Variants in ZBTB18 observed in about 807,000 individuals in gnomAD.
ZBTB18 encodes the protein zinc finger and BTB domain containing 18, also known as zinc finger and BTB domain-containing protein 18.
Under a neutral mutation model 37.7 loss-of-function variants are expected in ZBTB18, and 2 were observed. The ratio of observed to expected loss-of-function variants is 0.05; its 90% CI spans 0.02 to 0.17. The LOEUF is 0.17. Among genes scored for constraint, ZBTB18 ranks in the 10% least tolerant of loss-of-function variants. The probability of loss-of-function intolerance (pLI) is 1.00; values close to 1 mark genes in which losing one functional copy is unlikely to be tolerated. For missense variants in ZBTB18, 408 were observed against 686.3 expected (o/e 0.59, Z 4.53); for synonymous variants, 304 against 276.5 (o/e 1.10, Z -0.99).
rs149844474 is a variant in ZBTB18, at chr1:244,054,869, C to A, written c.1095C>A (p.Leu365=). The A allele has an allele frequency of 5.1e-5, 83 of 1,614,124 alleles. No individual in the cohort carries two copies. The African/African-American group carries it at 1.0e-3, about 20-fold the overall frequency. Residue 365 remains leucine, a synonymous_variant, in exon 2 of 2, where the codon CTC becomes CTA. Transcript: ENST00000358704. The surrounding 1 kb of genome is among the most constrained non-coding windows in gnomAD (Gnocchi z 9.0). ...QVEGGMESSL[L]PYVSNILSPA... ...AGGGAGGCATGGAGAGCAGTCTGCT[C>A]CCCTACGTCTCCAACATCCTGAGCC...
In ZBTB18 at chr1:244,056,010, A is replaced by T. The variant is rs1323615523; in HGVS notation, c.*640A>T. The T allele has an allele frequency of 6.0e-6, 1 of 167,076 alleles. No individual in the cohort carries two copies. Among genetic ancestry groups the T allele is most frequent in the Non-Finnish European group, 1.5e-5 (1 of 68,118 alleles). 10.3% of individuals were successfully genotyped at this position (167,076 alleles called of 1,614,324 possible). ...AGGTTTGCTTGGGATGAAAAAGGAT[A>T]TTGCAGCTTCAGCAGTGTTGAACTG... is the stretch of plus-strand genomic sequence containing the variant. On this transcript the variant is annotated 3_prime_UTR_variant, in exon 2 of 2. Transcript: ENST00000358704.
intron 1 of ZBTB18, among the ~76,000 whole-genome samples, chr1:244,052,966 A>G (rs1247303878): frequency 1.3e-5 from 2 of 152,250 alleles, no homozygotes; most frequent in African/African-American, 2.4e-5. Flanking sequence ...GGAGTTCAGT[A>G]AAGCCCCTCT....
chr1:244,049,233 C>G (rs1448471883), upstream of ZBTB18, among the ~76,000 whole-genome samples: 2 of 98,622 alleles, frequency 2.0e-5, no homozygotes, highest in East Asian at 6.5e-4. Flanking sequence ...GCTGCAGCTG[C>G]GGGGTCGGGC....
upstream of ZBTB18, among the ~76,000 whole-genome samples, chr1:244,048,518 G>A (rs1303837043): frequency 1.3e-5 from 2 of 150,812 alleles, no homozygotes; most frequent in African/African-American, 2.4e-5. Flanking sequence ...AGGGAGGGAG[G>A]CAGGGGAAGG....
chr1:244,054,008 T>C lies in ZBTB18; in HGVS notation c.234T>C (p.Ile78=), dbSNP rs1458641699. 6.2e-7 allele frequency: 1 copy of C among 1,614,066 alleles called. No individual in the cohort carries two copies. Among genetic ancestry groups the C allele is most frequent in the South Asian group, 1.1e-5 (1 of 91,084 alleles). ...KRDIVHLNSD[I]VTAPAFALLL... ...ACATTGTTCATCTGAACAGCGACAT[T>C]GTTACAGCCCCCGCTTTCGCTCTCC... Residue 78 remains isoleucine (I), a synonymous_variant, in exon 2 of 2, where the codon ATT becomes ATC. Coordinates refer to ENST00000358704, the MANE Select transcript of ZBTB18 (RefSeq NM_205768.3). The surrounding 1 kb of genome is among the most constrained non-coding windows in gnomAD (Gnocchi z 9.0).
rs1316478498 is a variant in ZBTB18, at chr1:244,054,416, C to A, written c.642C>A (p.Ala214=). ...PQAGGEAEPH[A]TAAGKTVASP... ...CTGGCGGAGAGGCAGAGCCACACGCCACAGCAGCTGGAAAAACAGTAGCCA... is the reference window on the plus strand; with the variant it reads ...CTGGCGGAGAGGCAGAGCCACACGCAACAGCAGCTGGAAAAACAGTAGCCA... The change falls in exon 2 of 2, where the codon GCC becomes GCA. Residue 214 remains alanine (A), a synonymous_variant. Coordinates refer to ENST00000358704, the MANE Select transcript of ZBTB18 (RefSeq NM_205768.3). This position sits in a 1 kb window ranked among gnomAD's most constrained non-coding sequence, Gnocchi z 9.0. 1 of 1,614,172 alleles carries A rather than the reference C, an allele frequency of 6.2e-7. No homozygotes were observed. The highest frequency in any genetic ancestry group is 8.5e-7 in the Non-Finnish European group (1 of 1,180,044).
At chr1:244,051,471 G>C in intron 1 of ZBTB18, 27 bp downstream of exon 1, 1 of 1,612,912 alleles carries the variant, frequency 6.2e-7, no homozygotes, top group South Asian at 1.1e-5. Flanking sequence ...ATTAGATTGA[G>C]CATATTTCTG....
chr1:244,054,308 C>A lies in ZBTB18; in HGVS notation c.534C>A (p.Ile178=). ...AAGGAGAAGATGAAAAATTGAACAT[C>A]CTGCCCAGCAAAAGGGACTTGGCGG... ...EDEGEDEKLN[I]LPSKRDLAAE... Residue 178 remains isoleucine (I), a synonymous_variant, in exon 2 of 2, where the codon ATC becomes ATA. Transcript: ENST00000358704. The surrounding 1 kb of genome is among the most constrained non-coding windows in gnomAD (Gnocchi z 9.0). 1 of 1,614,192 alleles carries A rather than the reference C, an allele frequency of 6.2e-7. No homozygotes were observed. The highest frequency in any genetic ancestry group is 8.5e-7 in the Non-Finnish European group (1 of 1,180,050).
rs760400046 is a variant in ZBTB18 at position 244,054,820 on chromosome 1, C to T, written c.1046C>T (p.Pro349Leu). 3.1e-6 allele frequency: 5 copies of T among 1,614,004 alleles called. No individual in the cohort carries two copies. The Admixed American group carries it at 6.7e-5, about 22-fold the overall frequency. ...GCCAGTGATGATGAGATGATGACCC[C>T]AGAGAGCGAGCGTGTCCAGGTGGAG... ...DKASDDEMMT[P>L]ESERVQVEGG... Residue 349 changes from proline to leucine, a missense_variant, in exon 2 of 2, where the codon CCA (proline) becomes CTA (leucine). By Grantham distance (98) the Pro-to-Leu change is moderately conservative. Coordinates refer to ENST00000358704, the MANE Select transcript of ZBTB18 (RefSeq NM_205768.3). The surrounding 1 kb of genome is among the most constrained non-coding windows in gnomAD (Gnocchi z 9.0).
chr1:244,051,250 C>A, upstream of ZBTB18: 1 of 573,568 alleles, frequency 1.7e-6, no homozygotes, highest in Non-Finnish European at 3.0e-6. Context: ...TGCCATCCCT[C>A]AGCCTTTTAT....
In ZBTB18 at chr1:244,055,927, G is replaced by A. The variant is rs1286591820; in HGVS notation, c.*557G>A. ...TGTGGCAACTTCTGGTTTTCTGACAGTTCCCAGTGAGAGAAATGCTGAAAG... is the reference window on the plus strand; with the variant it reads ...TGTGGCAACTTCTGGTTTTCTGACAATTCCCAGTGAGAGAAATGCTGAAAG... On this transcript the variant is annotated 3_prime_UTR_variant, in exon 2 of 2. Transcript: ENST00000358704. The surrounding 1 kb of genome is among the most constrained non-coding windows in gnomAD (Gnocchi z 7.0). The A allele has an allele frequency of 6.0e-6, 1 of 167,044 alleles. No homozygotes were observed. The highest frequency in any genetic ancestry group is 1.5e-5 in the Non-Finnish European group (1 of 68,118). The allele number at this position is 167,044 out of a possible 1,614,324, so 10.3% of individuals were successfully genotyped here.
At chr1:244,048,996 G>C (rs1698292672), upstream of ZBTB18, 1 of 148,864 alleles carries the variant, frequency 6.7e-6, no homozygotes, top group African/African-American at 2.5e-5. Context: ...CGCTCCGTGT[G>C]AGTCCCGGCG....
At chr1:244,049,747 T>C (rs542424960), upstream of ZBTB18, among the ~76,000 whole-genome samples, 15 of 152,260 alleles carry the variant, frequency 9.9e-5, no homozygotes, top group South Asian at 2.1e-3. Context: ...TTTGCATTGC[T>C]TCCCCACTCG....
At chr1:244,048,684 C>G (rs959011039), upstream of ZBTB18, among the ~76,000 whole-genome samples, 2 of 144,648 alleles carry the variant, frequency 1.4e-5, no homozygotes, top group East Asian at 4.2e-4. Context: ...CTCGCTCCCT[C>G]GCTCGCTCCC....
At chr1:244,048,628 G>GCCCCCCCCCCCCCCCCCCCCCCCCCC (rs1325001619), upstream of ZBTB18, among the ~76,000 whole-genome samples, 7 of 79,442 alleles carry the variant, frequency 8.8e-5, no homozygotes, top group Non-Finnish European at 1.5e-4. Flanking sequence ...CCCCGCGCCC[G>GCCCCCCCCCCCCCCCCCCCCCCCCCC]CCCCCCCCCC....
chr1:244,055,348 G>A lies in ZBTB18; in HGVS notation c.1574G>A (p.Ser525Asn), dbSNP rs576459138. 4 of 1,538,864 alleles carry A rather than the reference G, an allele frequency of 2.6e-6. No individual in the cohort carries two copies. Among genetic ancestry groups the A allele is most frequent in the Non-Finnish European group, 3.5e-6 (4 of 1,140,388 alleles). ...PTVRDWTLED[S>N]SQELWK ...GTCAGAGACTGGACCTTAGAAGATA[G>A]CTCTCAAGAACTTTGGAAATAATTT... Residue 525 changes from serine to asparagine, a missense_variant, in exon 2 of 2, where the codon AGC (serine) becomes AAC (asparagine). By Grantham distance (46) the Ser-to-Asn change is conservative (BLOSUM62 1). Coordinates refer to ENST00000358704, the MANE Select transcript of ZBTB18 (RefSeq NM_205768.3). This position sits in a 1 kb window ranked among gnomAD's most constrained non-coding sequence, Gnocchi z 7.0.
In ZBTB18 at chr1:244,054,394, G is replaced by A. The variant is rs757386351; in HGVS notation, c.620G>A (p.Gly207Asp). Reference sequence around the variant, plus strand: ...GACTCAGCAGGCATCCCCCAGGCTGGCGGAGAGGCAGAGCCACACGCCACA... The same window carrying A: ...GACTCAGCAGGCATCCCCCAGGCTGACGGAGAGGCAGAGCCACACGCCACA... ...PSDSAGIPQAGGEAEPHATAA... is the reference protein window; with the variant it reads ...PSDSAGIPQADGEAEPHATAA... The change falls in exon 2 of 2, where the codon GGC becomes GAC. Residue 207 changes from glycine to aspartate, a missense_variant. Physicochemically the swap from Gly to Asp is moderately conservative, Grantham distance 94. This residue lies in a region of ZBTB18 where 266 missense variants were observed against 312.0 expected (regional missense o/e 0.85). Transcript: ENST00000358704. The surrounding 1 kb of genome is among the most constrained non-coding windows in gnomAD (Gnocchi z 9.0). 1.7e-5 allele frequency: 27 copies of A among 1,614,096 alleles called. No individual in the cohort carries two copies. Among genetic ancestry groups the A allele is most frequent in the Admixed American group, 1.5e-4 (9 of 60,008 alleles).
At chr1:244,052,561 G>A (rs182316839) in intron 1 of ZBTB18, among the ~76,000 whole-genome samples, 1 of 152,288 alleles carries the variant, frequency 6.6e-6, no homozygotes, top group East Asian at 1.9e-4. Flanking sequence ...CACAGGAAAG[G>A]GGAAGTCGGG....
chr1:244,051,494 G>C, intron 1 of ZBTB18, 50 bp downstream of exon 1: 11 of 1,607,864 alleles, frequency 6.8e-6, no homozygotes, highest in Non-Finnish European at 9.3e-6. Context: ...TTGGTGTTTT[G>C]TTTATTTAAT....
Sources: gnomAD v4.1 joint callset for allele counts (sites outside exome capture counted in the v4.1 genomes callset) on GRCh38, gnomAD v4.1.1 for gene constraint, gnomAD v4.1.1 regional missense constraint, Gnocchi (gnomAD v3.1) non-coding constraint, MANE v1.5 for transcripts, NCBI Gene and HGNC (gene_info 2026-07-23, HGNC 2026-07-21) for gene names.